The following NLGN4Y variants were observed in gnomAD, a reference collection of about 807,000 sequenced individuals.
NLGN4Y encodes neuroligin 4 Y-linked, also known as neuroligin-4, Y-linked.
NLGN4Y carries 4 observed loss-of-function variants against 8.4 expected under a neutral mutation model. That is an observed-to-expected ratio of 0.48 (90% CI 0.23 to 1.09). NLGN4Y has a LOEUF of 1.09. NLGN4Y is among the 50% of genes least tolerant of loss of function. NLGN4Y has a pLI of 0.19. For synonymous variants in NLGN4Y, 35 were observed against 75.6 expected (o/e 0.46, Z 2.78); for missense variants, 90 against 192.3 (o/e 0.47, Z 3.15).
intron 6 of NLGN4Y, among the ~76,000 whole-genome samples, chrY:14,835,793 G>T (rs755696869): frequency 3.5e-5 from 1 of 28,831 alleles, no homozygotes; most frequent in African/African-American, 1.4e-4. Flanking sequence ...GAAAAACAGG[G>T]AAAGGGAGGG....
At chrY:14,809,551 A>AT (rs377607524) in intron 4 of NLGN4Y, among the ~76,000 whole-genome samples, 22 of 27,603 alleles carry the variant, frequency 8.0e-4, no homozygotes, top group East Asian at 1.9e-3. Flanking sequence ...GCAGCCCACT[A>AT]TTTTTTTTTT....
In NLGN4Y at chrY:14,824,227, A is replaced by G; in HGVS notation, c.725A>G (p.Tyr242Cys). 1 of 396,618 alleles carries G rather than the reference A, an allele frequency of 2.5e-6. No homozygotes were observed. The highest frequency in any genetic ancestry group is 3.5e-6 in the Non-Finnish European group (1 of 283,179). Residue 242 changes from tyrosine to cysteine, a missense_variant, in exon 5 of 7, where the codon TAT (tyrosine) becomes TGT (cysteine). Transcript: ENST00000684976. ...STGDQAAKGN[Y>C]GLLDQIQALR... is the part of the protein sequence containing the mutation. Reference sequence around the variant, plus strand: ...GGTGACCAGGCAGCAAAAGGCAACTATGGGCTCCTGGATCAGATTCAAGCA... The same window carrying G: ...GGTGACCAGGCAGCAAAAGGCAACTGTGGGCTCCTGGATCAGATTCAAGCA...
chrY:14,806,014 C>T (rs2043055183), intron 4 of NLGN4Y, among the ~76,000 whole-genome samples: 1 of 33,083 alleles, frequency 3.0e-5, no homozygotes, highest in Non-Finnish European at 7.4e-5. Context: ...TGGTGGCAGG[C>T]GCCTGTAGTG....
intron 4 of NLGN4Y, among the ~76,000 whole-genome samples, chrY:14,762,322 G>A (rs2150570819): frequency 5.8e-5 from 2 of 34,208 alleles, no homozygotes; most frequent in East Asian, 1.5e-3. Flanking sequence ...TTACTTACAT[G>A]AATTTAATGC....
chrY:14,806,419 T>C, intron 4 of NLGN4Y, among the ~76,000 whole-genome samples: 1 of 32,038 alleles, frequency 3.1e-5, no homozygotes, highest in Non-Finnish European at 7.5e-5. Context: ...CATATATACA[T>C]TCAACAAGCA....
intron 2 of NLGN4Y, among the ~76,000 whole-genome samples, chrY:14,626,649 G>T: frequency 3.0e-5 from 1 of 33,420 alleles, no homozygotes; most frequent in Non-Finnish European, 7.4e-5. Context: ...GTGTGCTTTG[G>T]GCAGCCTGCT....
chrY:14,712,357 G>A lies in NLGN4Y; in HGVS notation c.473-7102G>A, dbSNP rs201873125. The stretch of plus-strand genomic sequence containing the variant: ...TGGAGGTTCAGATAGATTTCAAAAT[G>A]TCTGCATGGAATATTTTCCCCAGCT... On this transcript the variant is annotated intron_variant, in intron 2 of 6. Transcript: ENST00000684976. 1.5e-3 allele frequency among the ~76,000 whole-genome samples: 51 copies of A among 32,911 alleles called. No individual in the cohort carries two copies. The East Asian group carries it at 0.04, about 26-fold the overall frequency. The allele number at this position is 32,911 out of a possible 37,273, so 88.3% of individuals were successfully genotyped here.
At position 14,528,949 on chromosome Y, in the gene NLGN4Y, G is replaced by T. The variant is rs201236877; in HGVS notation, c.-112+4241G>T. Among the ~76,000 whole-genome samples, 49 of 33,041 alleles carry T rather than the reference G, an allele frequency of 1.5e-3. No homozygotes were observed. The East Asian group carries it at 0.038, about 26-fold the overall frequency. The allele number at this position is 33,041 out of a possible 37,273, so 88.6% of individuals were successfully genotyped here. A position where few individuals can be genotyped will look rare whatever the true frequency, so the allele number is the denominator to read the frequency against. Reference sequence around the variant, plus strand: ...GAAATCATGATTTGTCAAAGTAACAGAGTGGTATTTTTGGCTTACAATGGG... The same window carrying T: ...GAAATCATGATTTGTCAAAGTAACATAGTGGTATTTTTGGCTTACAATGGG... On this transcript the variant is annotated intron_variant, in intron 1 of 6. Coordinates refer to ENST00000684976, the MANE Select transcript of NLGN4Y (RefSeq NM_001365588.1).
intron 2 of NLGN4Y, among the ~76,000 whole-genome samples, chrY:14,684,571 G>A: frequency 1.6e-4 from 5 of 32,179 alleles, no homozygotes; most frequent in Non-Finnish European, 3.8e-4. Context: ...AATCAGCTTT[G>A]GGGGGAATGA....
intron 2 of NLGN4Y, among the ~76,000 whole-genome samples, chrY:14,633,269 A>C (rs2150512488): frequency 3.0e-5 from 1 of 33,769 alleles, no homozygotes; most frequent in Admixed American, 2.7e-4. Flanking sequence ...TTTGTCAATT[A>C]ATATTGCTGA....
chrY:14,701,952 T>C, intron 2 of NLGN4Y, among the ~76,000 whole-genome samples: 1 of 32,679 alleles, frequency 3.1e-5, no homozygotes, highest in Admixed American at 2.9e-4. Context: ...TATATAGGTA[T>C]TTATCCCTTA....
At chrY:14,775,125 T>C in intron 4 of NLGN4Y, among the ~76,000 whole-genome samples, 1 of 32,498 alleles carries the variant, frequency 3.1e-5, no homozygotes, top group African/African-American at 1.2e-4. Context: ...CTGCATATTC[T>C]GCACATGTAT....
intron 4 of NLGN4Y, among the ~76,000 whole-genome samples, 193 bp downstream of exon 4, chrY:14,723,462 TTTA>T (rs2080945547): frequency 3.0e-5 from 1 of 33,844 alleles, no homozygotes; most frequent in Non-Finnish European, 7.3e-5. Flanking sequence ...ATCTTATTGT[TTTA>T]TTATCATTCT....
At chrY:14,577,039 T>C (rs756011791) in intron 1 of NLGN4Y, among the ~76,000 whole-genome samples, 13 of 33,946 alleles carry the variant, frequency 3.8e-4, no homozygotes, top group Admixed American at 3.2e-3. Context: ...AAGTATTCCA[T>C]AATTGGTATT....
At chrY:14,693,371 C>A in intron 2 of NLGN4Y, among the ~76,000 whole-genome samples, 1 of 32,921 alleles carries the variant, frequency 3.0e-5, no homozygotes. Flanking sequence ...GGGGTTTTAT[C>A]TGGCACAGAA....
chrY:14,567,699 C>G, intron 1 of NLGN4Y, among the ~76,000 whole-genome samples: 3 of 13,230 alleles, frequency 2.3e-4, no homozygotes, highest in Non-Finnish European at 3.7e-4. Flanking sequence ...CCATGCTTGG[C>G]TAATTTTTTT....
chrY:14,693,477 G>T, intron 2 of NLGN4Y, among the ~76,000 whole-genome samples: 4 of 32,430 alleles, frequency 1.2e-4, no homozygotes, highest in Non-Finnish European at 3.0e-4. Context: ...TCTCAGATTG[G>T]AGTAGGATAA....
chrY:14,824,601 T>C (rs781036544), intron 5 of NLGN4Y, among the ~76,000 whole-genome samples: 1 of 34,098 alleles, frequency 2.9e-5, no homozygotes, highest in African/African-American at 1.1e-4. Context: ...CATAGCTCAT[T>C]GCAGCCTCCA....
chrY:14,674,041 G>C, intron 2 of NLGN4Y, among the ~76,000 whole-genome samples: 1 of 29,979 alleles, frequency 3.3e-5, no homozygotes, highest in Non-Finnish European at 7.9e-5. Flanking sequence ...GTGGTGGGGT[G>C]GGGGGAGAGG....
Sources: allele counts gnomAD v4.1 joint callset (sites outside exome capture counted in the v4.1 genomes callset), GRCh38; gene constraint gnomAD v4.1.1; transcripts MANE v1.5; gene names NCBI Gene and HGNC (gene_info 2026-07-23, HGNC 2026-07-21).